Variants in ENTHD1 observed in about 807,000 individuals in gnomAD.
The protein encoded by ENTHD1 is ENTH domain-containing protein 1.
A neutral mutation model predicts 39.1 loss-of-function variants in ENTHD1; 23 were observed. The observed-to-expected ratio is 0.59, with a 90% CI of 0.42 to 0.83. The LOEUF (loss-of-function observed/expected upper bound fraction) is 0.83. Ranked by LOEUF, ENTHD1 falls within the 40% of genes least tolerant of loss-of-function variation. The probability of loss-of-function intolerance (pLI) is 0.00; values close to 1 mark genes in which losing one functional copy is unlikely to be tolerated. For missense variants in ENTHD1, 624 were observed against 705.4 expected (o/e 0.88, Z 1.31); for synonymous variants, 230 against 258.2 (o/e 0.89, Z 1.05).
intron 5 of ENTHD1, among the ~76,000 whole-genome samples, chr22:39,785,991 C>T (rs1306513222): frequency 6.6e-6 from 1 of 152,130 alleles, no homozygotes; most frequent in Non-Finnish European, 1.5e-5. Flanking sequence ...TCCTATTCAT[C>T]AAGAAAAGAG....
chr22:39,807,720 G>C (rs186696027), intron 5 of ENTHD1, among the ~76,000 whole-genome samples: 1 of 152,124 alleles, frequency 6.6e-6, no homozygotes, highest in African/African-American at 2.4e-5. Flanking sequence ...TCAAAATGTG[G>C]GTTGTGACCA....
chr22:39,744,041 G>A lies in ENTHD1; in HGVS notation c.1462C>T (p.Leu488Phe), dbSNP rs200214610. ...VSSDVEENDS[L>F]NLLGILPNNS... ...TTTGGAAGAATTCCCAGTAGATTGA[G>A]GCTATCATTTTCCTCTACATCAGAA... is the stretch of plus-strand genomic sequence containing the variant. Residue 488 changes from leucine (L) to phenylalanine (F), a missense_variant, in exon 7 of 7, where the codon CTC becomes TTC. By Grantham distance (22) the Leu-to-Phe change is conservative. Coordinates refer to ENST00000325157, the MANE Select transcript of ENTHD1 (RefSeq NM_152512.4). The A allele has an allele frequency of 6.2e-6, 10 of 1,614,118 alleles. No individual in the cohort carries two copies. The highest frequency in any genetic ancestry group is 1.6e-4 in the Middle Eastern group (1 of 6,062).
intron 5 of ENTHD1, among the ~76,000 whole-genome samples, chr22:39,792,786 A>C (rs1019518886): frequency 6.6e-6 from 1 of 152,122 alleles, no homozygotes; most frequent in African/African-American, 2.4e-5. Flanking sequence ...TGAATGTCCG[A>C]GTATCCCATT....
intron 3 of ENTHD1, among the ~76,000 whole-genome samples, chr22:39,842,718 A>C (rs2065954522): frequency 1.3e-5 from 2 of 151,600 alleles, no homozygotes; most frequent in South Asian, 4.2e-4. Flanking sequence ...CATCTGACAA[A>C]GGGCTAATAT....
At chr22:39,760,535 A>G (rs1376074160) in intron 6 of ENTHD1, among the ~76,000 whole-genome samples, 1 of 151,998 alleles carries the variant, frequency 6.6e-6, no homozygotes, top group Non-Finnish European at 1.5e-5. Context: ...CTTCCCTCAT[A>G]GATAGCATAT....
At chr22:39,879,462 C>CAAAAAAAA (rs34372930) in intron 2 of ENTHD1, among the ~76,000 whole-genome samples, 1 of 16,454 alleles carries the variant, frequency 6.1e-5, no homozygotes, top group Non-Finnish European at 1.1e-4. Flanking sequence ...GACTCTGTCT[C>CAAAAAAAA]AAAAAAAAAA....
intron 6 of ENTHD1, among the ~76,000 whole-genome samples, chr22:39,753,462 G>A (rs912390305): frequency 5.3e-5 from 8 of 152,140 alleles, no homozygotes; most frequent in Non-Finnish European, 7.3e-5. Flanking sequence ...CATCCCTCTC[G>A]TTTGGTACAA....
rs201138603 is a variant in ENTHD1 at position 39,743,971 on chromosome 22, C to T, written c.1532G>A (p.Ser511Asn). ...TTGGGTGGAAAACTCCCCCCAGTGA[C>T]TACTAGAAATGTGACTTATATTCTT... ...AKKNISHISSSHWGEFSTQNV... is the reference protein window; with the variant it reads ...AKKNISHISSNHWGEFSTQNV... Residue 511 changes from serine to asparagine, a missense_variant, in exon 7 of 7, where the codon AGT (serine) becomes AAT (asparagine). Transcript: ENST00000325157. The T allele has an allele frequency of 6.2e-7, 1 of 1,614,146 alleles. No homozygotes were observed. Among genetic ancestry groups the T allele is most frequent in the East Asian group, 2.2e-5 (1 of 44,882 alleles).
At chr22:39,875,246 T>C (rs1013728043) in intron 2 of ENTHD1, 1 of 1,145,492 alleles carries the variant, frequency 8.7e-7, no homozygotes, top group African/African-American at 1.6e-5. Flanking sequence ...CTTCCATTTA[T>C]ATAAATTTTA....
chr22:39,819,641 T>C (rs2065764434), intron 5 of ENTHD1, among the ~76,000 whole-genome samples: 1 of 152,162 alleles, frequency 6.6e-6, no homozygotes, highest in Non-Finnish European at 1.5e-5. Context: ...GAAACTACTA[T>C]GTCTGATACT....
intron 2 of ENTHD1, among the ~76,000 whole-genome samples, chr22:39,885,762 G>C (rs2066374378): frequency 6.6e-6 from 1 of 152,156 alleles, no homozygotes; most frequent in African/African-American, 2.4e-5. Flanking sequence ...ACTTATAAGA[G>C]ATACCTAGAA....
intron 5 of ENTHD1, among the ~76,000 whole-genome samples, chr22:39,800,297 G>T (rs904590928): frequency 6.6e-6 from 1 of 152,176 alleles, no homozygotes; most frequent in Admixed American, 6.6e-5. Context: ...TTTTCATTTT[G>T]ATGTTCTATG....
At chr22:39,882,147 C>T in intron 2 of ENTHD1, among the ~76,000 whole-genome samples, 1 of 152,096 alleles carries the variant, frequency 6.6e-6, no homozygotes, top group Non-Finnish European at 1.5e-5. Flanking sequence ...AATTTACTGT[C>T]TACTCTGTGC....
At chr22:39,784,541 T>TACACACACACACAC (rs1491271199) in intron 5 of ENTHD1, among the ~76,000 whole-genome samples, 1 of 115,270 alleles carries the variant, frequency 8.7e-6, no homozygotes, top group African/African-American at 3.6e-5. Context: ...TCTCTCTCTG[T>TACACACACACACAC]ATACACACAC....
intron 2 of ENTHD1, among the ~76,000 whole-genome samples, chr22:39,883,803 G>A (rs1601668948): frequency 7.1e-6 from 1 of 141,488 alleles, no homozygotes; most frequent in South Asian, 2.3e-4. Flanking sequence ...TGCAGTGGCT[G>A]AGATCATGCC....
rs2066386409 is a variant in ENTHD1 at position 39,887,312 on chromosome 22, T to C, written c.349+88A>G. 3.5e-6 allele frequency: 4 copies of C among 1,154,658 alleles called. No homozygotes were observed. In the Admixed American group the frequency reaches 9.4e-5, roughly 27 times the overall value. 71.5% of individuals were successfully genotyped at this position (1,154,658 alleles called of 1,614,324 possible). A position where few individuals can be genotyped will look rare whatever the true frequency, so the allele number is the denominator to read the frequency against. ...CTACAGCATCAAATGCCTGGGCTCA[T>C]GCAGTCCTCCCACCTCAGCCTCCCA... On this transcript the variant is annotated intron_variant, in intron 2 of 6. Coordinates refer to ENST00000325157, the MANE Select transcript of ENTHD1 (RefSeq NM_152512.4).
At chr22:39,864,886 A>G (rs1007008757) in intron 2 of ENTHD1, among the ~76,000 whole-genome samples, 16 of 152,188 alleles carry the variant, frequency 1.1e-4, no homozygotes, top group African/African-American at 3.6e-4. Flanking sequence ...CGTGAGACTC[A>G]GTTTCAAAAA....
At chr22:39,855,826 C>T (rs907284976) in intron 3 of ENTHD1, among the ~76,000 whole-genome samples, 5 of 152,148 alleles carry the variant, frequency 3.3e-5, no homozygotes, top group Non-Finnish European at 5.9e-5. Context: ...AGAACACCTA[C>T]AAGAGAGTAT....
chr22:39,752,044 A>G (rs1359183466), intron 6 of ENTHD1, among the ~76,000 whole-genome samples: 2 of 152,072 alleles, frequency 1.3e-5, no homozygotes, highest in Admixed American at 6.6e-5. Context: ...AGAAGAGAGA[A>G]AGCTTTATTT....
Sources: allele counts gnomAD v4.1 joint callset (sites outside exome capture counted in the v4.1 genomes callset), GRCh38; gene constraint gnomAD v4.1.1; transcripts MANE v1.5; gene names NCBI Gene and HGNC (gene_info 2026-07-23, HGNC 2026-07-21).